NPAS3: variants seen among roughly 807,000 people sequenced by gnomAD.
NPAS3 encodes the protein neuronal PAS domain protein 3, also known as neuronal PAS domain-containing protein 3.
NPAS3 carries 14 observed loss-of-function variants against 73.1 expected under a neutral mutation model. The observed-to-expected ratio is 0.19, with a 90% CI of 0.13 to 0.30. NPAS3 has a LOEUF of 0.30. Ranked by LOEUF, NPAS3 falls within the 10% of genes least tolerant of loss-of-function variation. NPAS3 has a pLI of 1.00. For missense variants in NPAS3, 1,096 were observed against 1,250.0 expected (o/e 0.88, Z 1.86); for synonymous variants, 620 against 541.5 (o/e 1.14, Z -2.01).
intron 5 of NPAS3, among the ~76,000 whole-genome samples, chr14:33,630,265 G>A (rs149572810): frequency 6.6e-6 from 1 of 152,270 alleles, no homozygotes; most frequent in East Asian, 1.9e-4. Flanking sequence ...TGCACAACTT[G>A]TGGAAAAGCT....
At chr14:33,104,574 G>A (rs955869473) in intron 2 of NPAS3, among the ~76,000 whole-genome samples, 3 of 152,168 alleles carry the variant, frequency 2.0e-5, no homozygotes, top group African/African-American at 7.2e-5. Context: ...AAGTGTATTA[G>A]CCAGAGGCCA....
At chr14:33,355,512 A>G (rs947265214) in intron 3 of NPAS3, among the ~76,000 whole-genome samples, 3 of 152,120 alleles carry the variant, frequency 2.0e-5, no homozygotes, top group African/African-American at 7.2e-5. Context: ...GTTGGCCAGG[A>G]TGGTCTCGAC....
At chr14:33,142,359 C>G (rs2044086420) in intron 2 of NPAS3, among the ~76,000 whole-genome samples, 1 of 151,920 alleles carries the variant, frequency 6.6e-6, no homozygotes, top group South Asian at 2.1e-4. Flanking sequence ...ATGTTGACAT[C>G]TAATAAATGT....
intron 1 of NPAS3, among the ~76,000 whole-genome samples, chr14:32,976,041 T>C (rs1016570453): frequency 1.3e-5 from 2 of 152,158 alleles, no homozygotes; most frequent in African/African-American, 4.8e-5. Context: ...CATCAGTGGC[T>C]TTTAAACATG....
intron 4 of NPAS3, among the ~76,000 whole-genome samples, chr14:33,401,345 T>C (rs1317825369): frequency 4.6e-5 from 7 of 152,158 alleles, no homozygotes; most frequent in Non-Finnish European, 7.4e-5. Context: ...TAACTCCAAA[T>C]AGCATTTCCA....
At chr14:32,972,290 G>A (rs1455529535) in intron 1 of NPAS3, among the ~76,000 whole-genome samples, 2 of 152,004 alleles carry the variant, frequency 1.3e-5, no homozygotes, top group Non-Finnish European at 2.9e-5. Context: ...AAACATTGCC[G>A]GTACAATACT....
chr14:33,394,831 A>C (rs1437276056), intron 4 of NPAS3, among the ~76,000 whole-genome samples: 1 of 152,158 alleles, frequency 6.6e-6, no homozygotes, highest in Non-Finnish European at 1.5e-5. Flanking sequence ...TTTGCCTTGC[A>C]TATTGTTTTT....
chr14:33,729,017 A>C (rs895670444), intron 6 of NPAS3, among the ~76,000 whole-genome samples: 1 of 152,204 alleles, frequency 6.6e-6, no homozygotes, highest in African/African-American at 2.4e-5. Context: ...CTGAATGCCT[A>C]CTTATATAAA....
intron 5 of NPAS3, among the ~76,000 whole-genome samples, chr14:33,645,017 G>T (rs539804708): frequency 1.3e-5 from 2 of 151,040 alleles, no homozygotes; most frequent in African/African-American, 4.9e-5. Flanking sequence ...GAAGGTGGAG[G>T]TTGCAATGAG....
chr14:33,091,885 A>C (rs1595428641), intron 2 of NPAS3, among the ~76,000 whole-genome samples: 1 of 152,340 alleles, frequency 6.6e-6, no homozygotes, highest in East Asian at 1.9e-4. Context: ...TGATTATCTC[A>C]ATAGATGCAG....
chr14:33,091,975 A>C (rs2042242124), intron 2 of NPAS3, among the ~76,000 whole-genome samples: 1 of 152,304 alleles, frequency 6.6e-6, no homozygotes, highest in African/African-American at 2.4e-5. Context: ...TGTATCTCAA[A>C]ATAATAAGAG....
chr14:33,127,844 C>A (rs897963473), intron 2 of NPAS3, among the ~76,000 whole-genome samples: 2 of 152,066 alleles, frequency 1.3e-5, no homozygotes, highest in Non-Finnish European at 2.9e-5. Context: ...TTTCCCTTTC[C>A]TCCCTTCATG....
At chr14:33,169,305 T>C (rs138447810) in intron 2 of NPAS3, among the ~76,000 whole-genome samples, 3,580 of 152,296 alleles carry the variant, frequency 0.024, 144 homozygotes, top group African/African-American at 0.081. Context: ...CGATGGCTCA[T>C]GCCTGTAATC....
At chr14:33,246,839 C>CAAAAAAAAAAAA (rs571439161) in intron 3 of NPAS3, among the ~76,000 whole-genome samples, 1 of 61,952 alleles carries the variant, frequency 1.6e-5, no homozygotes, top group African/African-American at 7.8e-5. Context: ...ATTAAAAATA[C>CAAAAAAAAAAAA]AAAAAAAAAA....
In NPAS3 at chr14:33,714,368, C is replaced by T. The variant is rs186510602; in HGVS notation, c.734-20846C>T. ...GTAACTTCAAAACCTAGAACGGTGA[C>T]TGGAACCAGTAGAACTTCATTAAAT... On this transcript the variant is annotated intron_variant, in intron 6 of 11. Coordinates refer to ENST00000356141, the Ensembl canonical transcript of NPAS3. Among the ~76,000 whole-genome samples the T allele has an allele frequency of 2.2e-3, 339 of 152,114 alleles. 2 individuals carry two copies. The East Asian group carries it at 0.023, about 10-fold the overall frequency.
downstream of NPAS3, chr14:33,801,187 T>C (rs1361441215): frequency 6.6e-7 from 1 of 1,513,630 alleles, no homozygotes; most frequent in East Asian, 2.5e-5. Flanking sequence ...CCTTTAATTC[T>C]AGCACTTTGA....
At chr14:33,693,641 C>T (rs966585863) in intron 6 of NPAS3, among the ~76,000 whole-genome samples, 5 of 152,068 alleles carry the variant, frequency 3.3e-5, no homozygotes, top group Non-Finnish European at 5.9e-5. Context: ...TCTCTTTTGC[C>T]AAAGAGCTGC....
intron 3 of NPAS3, among the ~76,000 whole-genome samples, chr14:33,225,505 G>C (rs2047596737): frequency 6.6e-6 from 1 of 152,180 alleles, no homozygotes. Context: ...TAATTTAGCT[G>C]TTGTTGGCCA....
chr14:33,277,907 A>T (rs1168913913), intron 3 of NPAS3, among the ~76,000 whole-genome samples: 1 of 152,130 alleles, frequency 6.6e-6, no homozygotes, highest in East Asian at 1.9e-4. Flanking sequence ...TGTAGACAGT[A>T]TACTAGGAAA....
Sources: allele counts gnomAD v4.1 joint callset (sites outside exome capture counted in the v4.1 genomes callset), GRCh38; gene constraint gnomAD v4.1.1; transcripts MANE v1.5; gene names NCBI Gene and HGNC (gene_info 2026-07-23, HGNC 2026-07-21).